STAT2: variants seen among roughly 807,000 people sequenced by gnomAD.
The protein encoded by STAT2 is interferon alpha induced transcriptional activator.
A neutral mutation model predicts 122.3 loss-of-function variants in STAT2; 51 were observed. The ratio of observed to expected loss-of-function variants is 0.42; its 90% CI spans 0.33 to 0.53. STAT2 has a LOEUF of 0.53. STAT2 is among the 20% of genes least tolerant of loss of function. The pLI is 0.10. For synonymous variants in STAT2, 351 were observed against 394.9 expected, an observed-to-expected ratio of 0.89 and a Z score of 1.32; for missense variants, 736 against 1,010.3, an observed-to-expected ratio of 0.73 and a Z score of 3.68.
rs1592472695 is a variant in STAT2 at position 56,349,024 on chromosome 12, G to A, written c.1476C>T (p.Pro492=). The change falls in exon 17 of 24, where the codon CCC becomes CCT. Residue 492 remains proline (P), a synonymous_variant. Transcript: ENST00000314128. ...TGAGAGCAGGGCCCAGCAAGCTCCA[G>A]GGGGCCTTGGGGGGGTTGGAGAAGA... ...QQFFSNPPKA[P]WSLLGPALSW... The A allele has an allele frequency of 6.2e-7, 1 of 1,613,508 alleles. No individual in the cohort carries two copies. The highest frequency in any genetic ancestry group is 1.3e-5 in the African/African-American group (1 of 74,908).
Position 56,359,414 on chromosome 12 carries a change from C to CA in STAT2, c.-8+643dup, listed in dbSNP as rs1055171399. Reference sequence around the variant, plus strand: ...GAGCAACATAGTGAGATTCCATCTCCAAAAAAAAATTAATGATGAGGTCCC... The same window carrying CA: ...GAGCAACATAGTGAGATTCCATCTCCAAAAAAAAAATTAATGATGAGGTCCC... On this transcript the variant is annotated intron_variant, in intron 1 of 23. Transcript: ENST00000314128. Among the ~76,000 whole-genome samples, 68 of 143,784 alleles carry CA rather than the reference C, an allele frequency of 4.7e-4. 2 individuals are homozygous for CA. The highest frequency in any genetic ancestry group is 2.5e-4 in the Non-Finnish European group (16 of 63,318). 94.3% of individuals were successfully genotyped at this position (143,784 alleles called of 152,430 possible). A position where few individuals can be genotyped will look rare whatever the true frequency, so the allele number is the denominator to read the frequency against.
In STAT2 at chr12:56,346,827, T is replaced by C. The variant is rs747333336; in HGVS notation, c.1853A>G (p.Gln618Arg). Residue 618 changes from glutamine (Q) to arginine (R), a missense_variant, in exon 20 of 24, where the codon CAG becomes CGG. Coordinates refer to ENST00000314128, the MANE Select transcript of STAT2 (RefSeq NM_005419.4). ...GGITCSWVEH[Q>R]DDDKVLIYSV... Reference sequence around the variant, plus strand: ...AGGGCAGAGCAGCTGACCATCATCCTGGTGCTCCACCCAGGAGCAGGTAAT... The same window carrying C: ...AGGGCAGAGCAGCTGACCATCATCCCGGTGCTCCACCCAGGAGCAGGTAAT... 1 of 1,614,206 alleles carries C rather than the reference T, an allele frequency of 6.2e-7. No homozygotes were observed. Among genetic ancestry groups the C allele is most frequent in the Non-Finnish European group, 8.5e-7 (1 of 1,180,022 alleles).
At chr12:56,349,745 C>T in intron 13 of STAT2, 109 bp from the exon 14 acceptor site, 2 of 1,442,112 alleles carry the variant, frequency 1.4e-6, no homozygotes, top group Non-Finnish European at 1.9e-6. Flanking sequence ...CCCCCAACCC[C>T]TGTTCCTTTG....
Position 56,346,046 on chromosome 12 carries a change from C to T in STAT2, c.2102+100G>A, listed in dbSNP as rs921121058. Reference sequence around the variant, plus strand: ...CAGGGCAGAGCAGCTGACCATCATCCTGGTGCTCCACCCAGGAGAAGGTAA... The same window carrying T: ...CAGGGCAGAGCAGCTGACCATCATCTTGGTGCTCCACCCAGGAGAAGGTAA... On this transcript the variant is annotated intron_variant, in intron 22 of 23. Coordinates refer to ENST00000314128, the MANE Select transcript of STAT2 (RefSeq NM_005419.4). 1.2e-5 allele frequency: 19 copies of T among 1,603,156 alleles called. No individual in the cohort carries two copies. The African/African-American group carries it at 2.3e-4, about 19-fold the overall frequency.
At position 56,348,913 on chromosome 12, in the gene STAT2, G is replaced by A; in HGVS notation, c.1576+11C>T. 6.2e-7 allele frequency: 1 copy of A among 1,613,198 alleles called. No individual in the cohort carries two copies. The highest frequency in any genetic ancestry group is 1.1e-5 in the South Asian group (1 of 91,034). Reference sequence around the variant, plus strand: ...GGCTGGGGAAAGGCTGAGAGAAAAGGAAATCTGTACCGAACAGCTTGTTTC... The same window carrying A: ...GGCTGGGGAAAGGCTGAGAGAAAAGAAAATCTGTACCGAACAGCTTGTTTC... On this transcript the variant is annotated intron_variant, in intron 17 of 23. Transcript: ENST00000314128.
At chr12:56,353,425 G>A (rs1878866491) in intron 8 of STAT2, among the ~76,000 whole-genome samples, 1 of 152,102 alleles carries the variant, frequency 6.6e-6, no homozygotes, top group South Asian at 2.1e-4. Flanking sequence ...GAGACGCCAT[G>A]CCTGGCCTGG....
intron 21 of STAT2, 107 bp from the exon 22 acceptor site, chr12:56,346,310 G>T: frequency 6.4e-7 from 1 of 1,558,256 alleles, no homozygotes; most frequent in Non-Finnish European, 8.8e-7. Flanking sequence ...ATAGTAACCA[G>T]CAGTATCCCA....
chr12:56,342,886 A>ATT lies in STAT2; in HGVS notation c.*502_*503insAA, dbSNP rs1264939408. 6.6e-6 allele frequency: 1 copy of ATT among 152,462 alleles called. No individual in the cohort carries two copies. Among genetic ancestry groups the ATT allele is most frequent in the Non-Finnish European group, 1.5e-5 (1 of 68,270 alleles). The allele number at this position is 152,462 out of a possible 1,614,324, so 9.4% of individuals were successfully genotyped here. A position where few individuals can be genotyped will look rare whatever the true frequency, so the allele number is the denominator to read the frequency against. On this transcript the variant is annotated 3_prime_UTR_variant, in exon 24 of 24. Coordinates refer to ENST00000314128, the MANE Select transcript of STAT2 (RefSeq NM_005419.4). Reference sequence around the variant, plus strand: ...TCTCAACCCCTGCAGGAAAAGAAGAAATTCAGGGCTTGAGCCAGGAGTAAA... The same window carrying ATT: ...TCTCAACCCCTGCAGGAAAAGAAGAATTATTCAGGGCTTGAGCCAGGAGTAAA...
chr12:56,352,318 G>A (rs1878619575), intron 8 of STAT2: 1 of 134,444 alleles, frequency 7.4e-6, no homozygotes, highest in Admixed American at 8.8e-5. Context: ...ATTCGATTGG[G>A]ACAACTATTC....
Position 56,349,515 on chromosome 12 carries a change from A to G in STAT2, c.1258-6T>C, listed in dbSNP as rs1383427998. ...TCTGTCACACCTAGTGGCCCCTGGGACAGCCAAAGACATAGTCATCAGAAG... is the reference window on the plus strand; with the variant it reads ...TCTGTCACACCTAGTGGCCCCTGGGGCAGCCAAAGACATAGTCATCAGAAG... On this transcript the variant is annotated splice_region_variant and splice_polypyrimidine_tract_variant and intron_variant, in intron 14 of 23. Transcript: ENST00000314128. The G allele has an allele frequency of 1.2e-6, 2 of 1,614,158 alleles. No individual in the cohort carries two copies. The highest frequency in any genetic ancestry group is 3.3e-5 in the Admixed American group (2 of 60,008).
Position 56,346,186 on chromosome 12 carries a change from T to C in STAT2, c.2062A>G (p.Arg688Gly), listed in dbSNP as rs777282763. The C allele has an allele frequency of 1.2e-6, 2 of 1,614,180 alleles. No individual in the cohort carries two copies. The highest frequency in any genetic ancestry group is 3.3e-5 in the Admixed American group (2 of 60,018). Residue 688 changes from arginine to glycine, a missense_variant, in exon 22 of 24, where the codon AGG becomes GGG. Physicochemically the swap from Arg to Gly is moderately radical, Grantham distance 125 (BLOSUM62 -2). Transcript: ENST00000314128. ...YQEKVNLQER[R>G]KYLKHRLIVV... is the part of the protein sequence containing the mutation. ...ATGAGCCTGTGTTTCAGGTATTTCC[T>C]CCGTTCCTGGAGATTAACTGTGAGG...
chr12:56,346,765 G>A, intron 20 of STAT2, 54 bp downstream of exon 20: 1 of 1,610,978 alleles, frequency 6.2e-7, no homozygotes, highest in South Asian at 1.1e-5. Flanking sequence ...AGGGGCAAGA[G>A]GGGAGCCAGG....
chr12:56,352,370 T>TTG (rs1878638883), intron 8 of STAT2: 4 of 132,500 alleles, frequency 3.0e-5, no homozygotes, highest in African/African-American at 8.5e-5. Flanking sequence ...TTTTTTTTTT[T>TTG]TGGTGGGGGT....
At position 56,349,587 on chromosome 12, in the gene STAT2, A is replaced by T; in HGVS notation, c.1257+2T>A. 6.2e-7 allele frequency: 1 copy of T among 1,614,092 alleles called. No homozygotes were observed. The highest frequency in any genetic ancestry group is 8.5e-7 in the Non-Finnish European group (1 of 1,179,998). On this transcript the variant is annotated splice_donor_variant, in intron 14 of 23. Transcript: ENST00000314128. LOFTEE classifies it high-confidence loss of function. ...GCCTCGAGTCCTCTGTCCAGATCTC[A>T]CCTTATTGCTGCCCTTTCCTGAACC...
Position 56,343,290 on chromosome 12 carries a change from G to A in STAT2, c.*99C>T. Reference sequence around the variant, plus strand: ...GAGTTTGAACAGTTAACACAGCTTGGAAGGGACACATGCCTGATTCCCATC... The same window carrying A: ...GAGTTTGAACAGTTAACACAGCTTGAAAGGGACACATGCCTGATTCCCATC... On this transcript the variant is annotated 3_prime_UTR_variant, in exon 24 of 24. Transcript: ENST00000314128. The A allele has an allele frequency of 6.6e-7, 1 of 1,517,976 alleles. No individual in the cohort carries two copies. Among genetic ancestry groups the A allele is most frequent in the Non-Finnish European group, 8.9e-7 (1 of 1,122,362 alleles). The allele number at this position is 1,517,976 out of a possible 1,614,324, so 94.0% of individuals were successfully genotyped here.
rs372424739 is a variant in STAT2, at chr12:56,353,292, A to C, written c.782+1174T>G. Among the ~76,000 whole-genome samples, 10 of 152,050 alleles carry C rather than the reference A, an allele frequency of 6.6e-5. 1 individual carries two copies. The East Asian group carries it at 1.9e-3, about 29-fold the overall frequency. ...CCACTGTGTCCGGACATGCCTAATT[A>C]AAAAACAAATTTTTTTTTTTTGTAG... On this transcript the variant is annotated intron_variant, in intron 8 of 23. Coordinates refer to ENST00000314128, the MANE Select transcript of STAT2 (RefSeq NM_005419.4).
At chr12:56,359,979 G>C (rs1880134232) in intron 1 of STAT2, 79 bp downstream of exon 1, 2 of 936,118 alleles carry the variant, frequency 2.1e-6, no homozygotes, top group South Asian at 9.8e-5. Flanking sequence ...GTAACCCCTG[G>C]GGCCAGTCGC....
intron 19 of STAT2, among the ~76,000 whole-genome samples, chr12:56,347,569 CT>C (rs765914387): frequency 6.6e-6 from 1 of 152,070 alleles, no homozygotes; most frequent in Non-Finnish European, 1.5e-5. Flanking sequence ...ATGGCACGAT[CT>C]TGGCTCACTG....
intron 8 of STAT2, among the ~76,000 whole-genome samples, chr12:56,351,755 G>T (rs1305697193): frequency 6.6e-6 from 1 of 152,088 alleles, no homozygotes; most frequent in Non-Finnish European, 1.5e-5. Flanking sequence ...AACCCTCTGA[G>T]GCAGGTACTA....
Sources: allele counts gnomAD v4.1 joint callset (sites outside exome capture counted in the v4.1 genomes callset), GRCh38; gene constraint gnomAD v4.1.1; transcripts MANE v1.5; gene names NCBI Gene and HGNC (gene_info 2026-07-23, HGNC 2026-07-21).